The following LRP1B variants were observed in gnomAD, a reference collection of about 807,000 sequenced individuals.
LRP1B encodes the protein low-density lipoprotein receptor-related protein 1B.
Under a neutral mutation model 556.6 loss-of-function variants are expected in LRP1B, and 217 were observed. That is an observed-to-expected ratio of 0.39 (90% CI 0.35 to 0.44). The LOEUF (loss-of-function observed/expected upper bound fraction) is 0.44. LRP1B is among the 20% of genes least tolerant of loss of function. LRP1B has a pLI of 1.00. For missense variants in LRP1B, 5,053 were observed against 5,620.8 expected, an observed-to-expected ratio of 0.90 and a Z score of 3.23; for synonymous variants, 2,047 against 1,865.8, an observed-to-expected ratio of 1.10 and a Z score of -2.50.
At chr2:141,519,568 A>G (rs753047774) in intron 2 of LRP1B, among the ~76,000 whole-genome samples, 1 of 151,942 alleles carries the variant, frequency 6.6e-6, no homozygotes, top group Non-Finnish European at 1.5e-5. Context: ...GGAAGAATTC[A>G]ATTATATTTC....
intron 2 of LRP1B, among the ~76,000 whole-genome samples, chr2:141,601,846 G>A (rs1028913133): frequency 3.3e-5 from 5 of 151,910 alleles, no homozygotes; most frequent in South Asian, 2.1e-4. Context: ...CAAGTGATGC[G>A]CCCACTCAGC....
intron 9 of LRP1B, among the ~76,000 whole-genome samples, chr2:141,055,837 T>A (rs1574028131): frequency 1.3e-5 from 2 of 149,134 alleles, no homozygotes; most frequent in South Asian, 4.3e-4. Flanking sequence ...TGTGTGTGTG[T>A]AGTTGTCAAA....
At chr2:141,214,999 G>A (rs928238617) in intron 6 of LRP1B, among the ~76,000 whole-genome samples, 1 of 152,188 alleles carries the variant, frequency 6.6e-6, no homozygotes, top group African/African-American at 2.4e-5. Context: ...AGCTTATATA[G>A]TTTGAATATA....
intron 3 of LRP1B, among the ~76,000 whole-genome samples, chr2:141,471,593 T>A (rs1315604637): frequency 6.6e-6 from 1 of 152,192 alleles, no homozygotes; most frequent in Non-Finnish European, 1.5e-5. Context: ...TCAGCTCACT[T>A]GGGATATCTT....
rs1284907527 is a variant in LRP1B at position 141,934,040 on chromosome 2, TAAAC to T, written c.83-123643_83-123640del. ...CAAAATACTATTTCATAGGCTAAAA[TAAAC>T]AAAAGAGAATAAAAATGACTACAAA... On this transcript the variant is annotated intron_variant, in intron 1 of 90. Coordinates refer to ENST00000389484, the MANE Select transcript of LRP1B (RefSeq NM_018557.3). 3.9e-5 allele frequency among the ~76,000 whole-genome samples: 6 copies of T among 152,062 alleles called. No homozygotes were observed. The East Asian group carries it at 1.2e-3, about 29-fold the overall frequency.
intron 1 of LRP1B, among the ~76,000 whole-genome samples, chr2:142,076,157 C>A (rs1024330192): frequency 6.6e-6 from 1 of 152,036 alleles, no homozygotes; most frequent in Non-Finnish European, 1.5e-5. Context: ...AAACCATTTT[C>A]TTAATAGGAA....
intron 7 of LRP1B, among the ~76,000 whole-genome samples, chr2:141,076,513 G>A (rs777331030): frequency 5.3e-5 from 8 of 152,116 alleles, no homozygotes; most frequent in Non-Finnish European, 1.0e-4. Context: ...TCACTGTGGT[G>A]GGAAATTTGG....
intron 7 of LRP1B, among the ~76,000 whole-genome samples, chr2:141,147,709 G>A (rs544535493): frequency 1.3e-5 from 2 of 152,230 alleles, no homozygotes; most frequent in South Asian, 2.1e-4. Flanking sequence ...ATTAGAAAAG[G>A]CATTTGCCTT....
chr2:141,465,716 A>C (rs1465533908), intron 3 of LRP1B, among the ~76,000 whole-genome samples: 1 of 151,598 alleles, frequency 6.6e-6, no homozygotes, highest in Non-Finnish European at 1.5e-5. Context: ...CTCCTGGCTA[A>C]ATTTTGTATT....
chr2:141,646,182 C>T (rs1343919599), intron 2 of LRP1B, among the ~76,000 whole-genome samples: 2 of 152,128 alleles, frequency 1.3e-5, no homozygotes, highest in African/African-American at 4.8e-5. Context: ...CCAACAGTTA[C>T]ATCTTAGCTT....
chr2:140,343,987 G>T (rs1268504744), intron 77 of LRP1B, among the ~76,000 whole-genome samples: 1 of 151,622 alleles, frequency 6.6e-6, no homozygotes, highest in Non-Finnish European at 1.5e-5. Flanking sequence ...AAGAGTTGGA[G>T]GTCATAGACA....
At chr2:140,759,900 G>A (rs950876851) in intron 35 of LRP1B, among the ~76,000 whole-genome samples, 7 of 152,184 alleles carry the variant, frequency 4.6e-5, no homozygotes, top group African/African-American at 1.7e-4. Flanking sequence ...CTAGACAGCT[G>A]TAAGCAATTT....
At chr2:141,046,899 T>C (rs1284618030) in intron 11 of LRP1B, among the ~76,000 whole-genome samples, 2 of 152,090 alleles carry the variant, frequency 1.3e-5, no homozygotes, top group South Asian at 4.1e-4. Context: ...CTGGCCAACA[T>C]GGTGAAACCC....
chr2:141,539,132 T>G (rs115153454), intron 2 of LRP1B, among the ~76,000 whole-genome samples: 1,851 of 152,258 alleles, frequency 0.012, 39 homozygotes, highest in African/African-American at 0.042. Context: ...GGTACCAACA[T>G]TCCTGAATTG....
intron 2 of LRP1B, among the ~76,000 whole-genome samples, chr2:141,654,432 AG>A (rs1271171661): frequency 6.6e-6 from 1 of 152,122 alleles, no homozygotes; most frequent in Non-Finnish European, 1.5e-5. Flanking sequence ...TGAAGCTAAC[AG>A]GGAAATTTAT....
rs1043475998 is a variant in LRP1B, at chr2:141,025,935, C to A, written c.1790-5833G>T. Reference sequence around the variant, plus strand: ...ACAAAATAGCTTTCAATTAAAGAAGCCCTAGAGATACGCAAGGGGCATATA... The same window carrying A: ...ACAAAATAGCTTTCAATTAAAGAAGACCTAGAGATACGCAAGGGGCATATA... On this transcript the variant is annotated intron_variant, in intron 11 of 90. Coordinates refer to ENST00000389484, the MANE Select transcript of LRP1B (RefSeq NM_018557.3). 6.6e-5 allele frequency among the ~76,000 whole-genome samples: 10 copies of A among 152,020 alleles called. No homozygotes were observed. The East Asian group carries it at 1.9e-3, about 30-fold the overall frequency.
chr2:141,349,069 G>C (rs180803356), intron 3 of LRP1B, among the ~76,000 whole-genome samples: 1 of 152,072 alleles, frequency 6.6e-6, no homozygotes, highest in South Asian at 2.1e-4. Flanking sequence ...TTTCAGGTAT[G>C]TCTTTATCAA....
At chr2:141,675,679 G>GTGTATATATATATATA (rs1553446605) in intron 2 of LRP1B, among the ~76,000 whole-genome samples, 13 of 12,530 alleles carry the variant, frequency 1.0e-3, no homozygotes, top group African/African-American at 2.2e-3. Flanking sequence ...AATTTATTTG[G>GTGTATATATATATATA]TATATATATA....
intron 3 of LRP1B, among the ~76,000 whole-genome samples, chr2:141,452,723 C>T (rs934035531): frequency 5.3e-5 from 8 of 152,146 alleles, no homozygotes; most frequent in Admixed American, 1.3e-4. Flanking sequence ...TGTAGCTATT[C>T]CTCAGTCACC....
Sources: allele counts gnomAD v4.1 joint callset (sites outside exome capture counted in the v4.1 genomes callset), GRCh38; gene constraint gnomAD v4.1.1; transcripts MANE v1.5; gene names NCBI Gene and HGNC (gene_info 2026-07-23, HGNC 2026-07-21).